The following UNC5C variants were observed in gnomAD, a reference collection of about 807,000 sequenced individuals.
UNC5C encodes the protein netrin receptor UNC5C.
In UNC5C, 47 loss-of-function variants were observed where a neutral mutation model predicts 99.8. The ratio of observed to expected loss-of-function variants is 0.47; its 90% CI spans 0.37 to 0.60. The LOEUF (loss-of-function observed/expected upper bound fraction) is 0.60, where lower values mean the gene tolerates loss of function less well. Ranked by LOEUF, UNC5C falls within the 20% of genes least tolerant of loss-of-function variation. UNC5C has a pLI of 0.00. For synonymous variants in UNC5C, 487 were observed against 452.2 expected (o/e 1.08, Z -0.98); for missense variants, 1,062 against 1,165.9 (o/e 0.91, Z 1.30).
At chr4:95,497,149 T>C (rs140651204) in intron 1 of UNC5C, among the ~76,000 whole-genome samples, 14 of 152,030 alleles carry the variant, frequency 9.2e-5, no homozygotes, top group African/African-American at 3.1e-4. Flanking sequence ...TGCGTGTGCA[T>C]GTGTCTATAT....
chr4:95,191,166 A>G (rs918458812), intron 12 of UNC5C, among the ~76,000 whole-genome samples: 9 of 151,684 alleles, frequency 5.9e-5, no homozygotes, highest in African/African-American at 2.2e-4. Context: ...CCACTCCTCC[A>G]CTCTGGTCTG....
intron 4 of UNC5C, among the ~76,000 whole-genome samples, chr4:95,270,198 G>A (rs926858462): frequency 4.6e-5 from 7 of 152,184 alleles, no homozygotes; most frequent in African/African-American, 1.7e-4. Flanking sequence ...GTTCTCTACT[G>A]TGGATAATTA....
chr4:95,389,682 A>C (rs2149444646), intron 1 of UNC5C, among the ~76,000 whole-genome samples: 1 of 152,312 alleles, frequency 6.6e-6, no homozygotes, highest in Non-Finnish European at 1.5e-5. Context: ...TTTCAAATAT[A>C]AATTTTATGA....
chr4:95,329,926 T>C (rs1010603857), intron 2 of UNC5C, among the ~76,000 whole-genome samples: 4 of 152,270 alleles, frequency 2.6e-5, no homozygotes, highest in African/African-American at 9.6e-5. Context: ...ATGGTGGCGA[T>C]GATGATGATG....
intron 12 of UNC5C, 78 bp from the exon 13 acceptor site, chr4:95,185,274 C>A (rs912504780): frequency 1.3e-6 from 2 of 1,496,178 alleles, no homozygotes; most frequent in African/African-American, 1.4e-5. Context: ...GAATAAGTTT[C>A]TTTACTGCCT....
At chr4:95,171,413 C>G (rs950229071) in intron 14 of UNC5C, among the ~76,000 whole-genome samples, 2 of 148,104 alleles carry the variant, frequency 1.4e-5, no homozygotes, top group Non-Finnish European at 3.0e-5. Flanking sequence ...ACAACAGTCC[C>G]CAGAGTGTGA....
intron 7 of UNC5C, among the ~76,000 whole-genome samples, chr4:95,241,336 G>C (rs964306247): frequency 2.0e-5 from 3 of 152,058 alleles, no homozygotes. Context: ...AAAAATAAGA[G>C]GCCTATTGGA....
intron 1 of UNC5C, among the ~76,000 whole-genome samples, chr4:95,501,375 C>T (rs1721771582): frequency 1.3e-5 from 2 of 151,940 alleles, no homozygotes; most frequent in Non-Finnish European, 2.9e-5. Flanking sequence ...ACAGTATTTA[C>T]ACATAATTTT....
At chr4:95,207,364 C>T (rs1326038040) in intron 10 of UNC5C, among the ~76,000 whole-genome samples, 1 of 152,118 alleles carries the variant, frequency 6.6e-6, no homozygotes, top group Non-Finnish European at 1.5e-5. Context: ...TGTATTTATA[C>T]AGCAACTTAA....
chr4:95,274,542 G>T (rs1248389293), intron 4 of UNC5C, among the ~76,000 whole-genome samples: 1 of 152,126 alleles, frequency 6.6e-6, no homozygotes, highest in Non-Finnish European at 1.5e-5. Context: ...AGGGCTTAAA[G>T]AAGTATAAGG....
At chr4:95,183,152 A>C in intron 13 of UNC5C, 91 bp from the exon 14 acceptor site, 6 of 1,282,324 alleles carry the variant, frequency 4.7e-6, no homozygotes, top group Non-Finnish European at 6.5e-6. Context: ...TGAGTATCAC[A>C]CCTGTGGCCT....
At chr4:95,511,292 G>T (rs1722064771) in intron 1 of UNC5C, among the ~76,000 whole-genome samples, 1 of 70,404 alleles carries the variant, frequency 1.4e-5, no homozygotes, top group Admixed American at 1.7e-4. Context: ...TTTAACAAAA[G>T]ATTGCTTTTG....
intron 3 of UNC5C, among the ~76,000 whole-genome samples, chr4:95,296,466 A>G (rs1437383152): frequency 6.6e-6 from 1 of 152,222 alleles, no homozygotes; most frequent in East Asian, 1.9e-4. Flanking sequence ...TCTTATACCT[A>G]TATGTACTTA....
At chr4:95,375,356 T>C (rs556743056) in intron 1 of UNC5C, among the ~76,000 whole-genome samples, 1 of 152,222 alleles carries the variant, frequency 6.6e-6, no homozygotes, top group African/African-American at 2.4e-5. Context: ...CATAGAAAAA[T>C]ACATTATCCA....
chr4:95,398,384 C>A (rs187401467), intron 1 of UNC5C, among the ~76,000 whole-genome samples: 27 of 152,198 alleles, frequency 1.8e-4, no homozygotes, highest in Non-Finnish European at 3.4e-4. Flanking sequence ...AAACTGTCTA[C>A]CAAACTAGTG....
intron 1 of UNC5C, among the ~76,000 whole-genome samples, chr4:95,403,211 G>C (rs1745746711): frequency 6.6e-6 from 1 of 152,186 alleles, no homozygotes; most frequent in Non-Finnish European, 1.5e-5. Flanking sequence ...GTAAGGCCAT[G>C]AAATAAGCCT....
intron 1 of UNC5C, among the ~76,000 whole-genome samples, chr4:95,502,212 C>A (rs2149484657): frequency 6.6e-6 from 1 of 152,208 alleles, no homozygotes; most frequent in East Asian, 1.9e-4. Context: ...GGCCCCCAAT[C>A]ACCTTGTAAA....
At chr4:95,350,369 C>T (rs1177189356) in intron 1 of UNC5C, among the ~76,000 whole-genome samples, 1 of 152,064 alleles carries the variant, frequency 6.6e-6, no homozygotes, top group Non-Finnish European at 1.5e-5. Context: ...TGCCTGTAGT[C>T]TCAGCTACTC....
chr4:95,408,597 T>C (rs1297455884), intron 1 of UNC5C, among the ~76,000 whole-genome samples: 1 of 152,204 alleles, frequency 6.6e-6, no homozygotes, highest in African/African-American at 2.4e-5. Flanking sequence ...ATTTGATATA[T>C]ACTAACTGAA....
Sources: allele counts gnomAD v4.1 joint callset (sites outside exome capture counted in the v4.1 genomes callset), GRCh38; gene constraint gnomAD v4.1.1; transcripts MANE v1.5; gene names NCBI Gene and HGNC (gene_info 2026-07-23, HGNC 2026-07-21).